TCF4: variants seen among roughly 807,000 people sequenced by gnomAD.
TCF4 encodes the protein SL3-3 enhancer factor 2.
TCF4 carries 3 observed loss-of-function variants against 82.1 expected under a neutral mutation model. The observed-to-expected ratio is 0.04, with a 90% CI of 0.02 to 0.09. TCF4 has a LOEUF of 0.09. Among genes scored for constraint, TCF4 ranks in the 10% least tolerant of loss-of-function variants. The probability of loss-of-function intolerance (pLI) is 1.00; values close to 1 mark genes in which losing one functional copy is unlikely to be tolerated. For missense variants in TCF4, 518 were observed against 852.7 expected (o/e 0.61, Z 4.89); for synonymous variants, 276 against 309.6 (o/e 0.89, Z 1.14).
intron 11 of TCF4, chr18:55,268,323 C>T (rs1194852913): frequency 1.3e-5 from 2 of 152,118 alleles, no homozygotes; most frequent in African/African-American, 2.4e-5. Context: ...CAGAAAGGGG[C>T]TTTCCATTTG....
chr18:55,540,662 T>C (rs1357899663), intron 3 of TCF4, among the ~76,000 whole-genome samples: 7 of 151,954 alleles, frequency 4.6e-5, no homozygotes, highest in African/African-American at 1.7e-4. Flanking sequence ...TTTTATTCAG[T>C]TAACAAATAT....
chr18:55,415,189 T>C (rs2094482174), intron 5 of TCF4, among the ~76,000 whole-genome samples: 1 of 152,076 alleles, frequency 6.6e-6, no homozygotes, highest in South Asian at 2.1e-4. Context: ...CTTAAAAAAC[T>C]CAAGAGTATT....
rs778148844 is a variant in TCF4 at position 55,275,691 on chromosome 18, T to C, written c.717A>G (p.Ala239=). 1.9e-6 allele frequency: 3 copies of C among 1,613,910 alleles called. No individual in the cohort carries two copies. The South Asian group carries it at 3.3e-5, about 18-fold the overall frequency. The change falls in exon 10 of 20, where the codon GCA becomes GCG. Residue 239 remains alanine, a synonymous_variant. Coordinates refer to ENST00000354452, the MANE Select transcript of TCF4 (RefSeq NM_001083962.2). ...TATGAGAAGAGTTGCCCAACATTCC[T>C]GCATAGCCAGGCTGATTCATCCCAC... is the stretch of plus-strand genomic sequence containing the variant. ...SSSGMNQPGY[A]GMLGNSSHIP... is the part of the protein sequence containing the mutation.
chr18:55,593,210 TC>T (rs573710568), upstream of TCF4, among the ~76,000 whole-genome samples: 9 of 152,124 alleles, frequency 5.9e-5, no homozygotes, highest in Admixed American at 3.3e-4. Flanking sequence ...TGTCATTCAT[TC>T]CCTTTTCTGT....
intron 15 of TCF4, among the ~76,000 whole-genome samples, chr18:55,242,563 G>C (rs572535118): frequency 6.6e-6 from 1 of 151,796 alleles, no homozygotes; most frequent in African/African-American, 2.4e-5. Context: ...GCACTACATG[G>C]GCATTTGCAA....
chr18:55,260,837 A>T (rs546998379), intron 12 of TCF4, among the ~76,000 whole-genome samples: 3 of 152,238 alleles, frequency 2.0e-5, no homozygotes, highest in African/African-American at 7.2e-5. Flanking sequence ...TGAGATTACC[A>T]GTGTGAGCCA....
rs1482225140 is a variant in TCF4 at position 55,464,144 on chromosome 18, A to G, written c.146-7T>C. ...CTACTTCTGTCTTCTACATCTAGGG[A>G]CAAGAGAAAAGTTCTTTAGGCTTTC... On this transcript the variant is annotated splice_region_variant and splice_polypyrimidine_tract_variant and intron_variant, in intron 3 of 19. Coordinates refer to ENST00000354452, the MANE Select transcript of TCF4 (RefSeq NM_001083962.2). 6.2e-7 allele frequency: 1 copy of G among 1,613,920 alleles called. No individual in the cohort carries two copies. Among genetic ancestry groups the G allele is most frequent in the Non-Finnish European group, 8.5e-7 (1 of 1,179,854 alleles).
chr18:55,441,166 G>A (rs939111157), intron 5 of TCF4, among the ~76,000 whole-genome samples: 4 of 152,294 alleles, frequency 2.6e-5, no homozygotes. Flanking sequence ...TCATATGTGT[G>A]CTCCAAATTT....
chr18:55,543,527 G>A (rs113411974), intron 3 of TCF4, among the ~76,000 whole-genome samples: 113 of 152,140 alleles, frequency 7.4e-4, no homozygotes, highest in African/African-American at 2.6e-3. Flanking sequence ...GCTGTTCAAC[G>A]TCCATTATTC....
chr18:55,419,908 T>C (rs2146916037), intron 5 of TCF4, among the ~76,000 whole-genome samples: 1 of 152,304 alleles, frequency 6.6e-6, no homozygotes. Flanking sequence ...AAACAAAACA[T>C]CTGGGTGTCT....
intron 3 of TCF4, chr18:55,482,288 GTC>G (rs1442448479): frequency 2.6e-5 from 4 of 152,152 alleles, no homozygotes; most frequent in Non-Finnish European, 5.9e-5. Context: ...GCTGAACTTT[GTC>G]CTGATTGGGA....
chr18:55,224,210 C>A lies in TCF4; in HGVS notation c.*3825G>T, dbSNP rs1599266003. On this transcript the variant is annotated 3_prime_UTR_variant, in exon 20 of 20. Transcript: ENST00000354452. ...CTTCACTTAATTGCATCACAAGTAA[C>A]AAGAATGAAAAAGGCCACAGTTCAT... The A allele has an allele frequency of 6.9e-6, 1 of 145,220 alleles. No individual in the cohort carries two copies. The highest frequency in any genetic ancestry group is 2.6e-5 in the African/African-American group (1 of 39,072). The allele number at this position is 145,220 out of a possible 1,614,324, so 9.0% of individuals were successfully genotyped here.
chr18:55,358,281 G>A (rs1489261667), intron 6 of TCF4, among the ~76,000 whole-genome samples: 2 of 152,172 alleles, frequency 1.3e-5, no homozygotes, highest in African/African-American at 4.8e-5. Flanking sequence ...CTGTTTTTTA[G>A]CATAAATCTT....
intron 9 of TCF4, among the ~76,000 whole-genome samples, chr18:55,278,326 G>A (rs41422344): frequency 0.027 from 4,077 of 152,158 alleles, 192 homozygotes; most frequent in African/African-American, 0.094. Context: ...ATACAAATAA[G>A]GTTTTCACAC....
chr18:55,439,334 C>G lies in TCF4; in HGVS notation c.304+21685G>C, dbSNP rs541616042. ...ACCACGCTGAGGACAGCACAGCACA[C>G]TGAGCCAGCAACAAAGGAGGCTGCC... On this transcript the variant is annotated intron_variant, in intron 5 of 19. Coordinates refer to ENST00000354452, the MANE Select transcript of TCF4 (RefSeq NM_001083962.2). 2.6e-5 allele frequency among the ~76,000 whole-genome samples: 4 copies of G among 152,296 alleles called. No homozygotes were observed. In the South Asian group the frequency reaches 8.3e-4, roughly 32 times the overall value.
At chr18:55,342,647 T>G (rs2080248713) in intron 8 of TCF4, among the ~76,000 whole-genome samples, 1 of 151,688 alleles carries the variant, frequency 6.6e-6, no homozygotes, top group African/African-American at 2.4e-5. Context: ...CCTTAGACAA[T>G]TTTTTTCTTA....
chr18:55,585,518 CA>C, intron 2 of TCF4, 166 bp from the exon 3 acceptor site: 1 of 709,360 alleles, frequency 1.4e-6, no homozygotes, highest in African/African-American at 1.8e-5. Flanking sequence ...AACAACATTA[CA>C]GATCCCACCC....
chr18:55,577,212 A>ATGT (rs1491094213), intron 3 of TCF4, among the ~76,000 whole-genome samples: 9,124 of 17,788 alleles, frequency 0.51, 1,945 homozygotes, highest in East Asian at 0.69. Flanking sequence ...ATATTTATAT[A>ATGT]AATGTATATA....
chr18:55,395,747 A>G (rs1368028510), intron 6 of TCF4, among the ~76,000 whole-genome samples: 1 of 152,222 alleles, frequency 6.6e-6, no homozygotes, highest in Non-Finnish European at 1.5e-5. Context: ...TTCTGCCTAC[A>G]TTGCACAAAA....
Sources: gnomAD v4.1 joint callset for allele counts (sites outside exome capture counted in the v4.1 genomes callset) on GRCh38, gnomAD v4.1.1 for gene constraint, MANE v1.5 for transcripts, NCBI Gene and HGNC (gene_info 2026-07-23, HGNC 2026-07-21) for gene names.